Variants in TNRC18 observed in about 807,000 individuals in gnomAD.
The protein encoded by TNRC18 is trinucleotide repeat containing 18, also known as trinucleotide repeat-containing gene 18 protein.
TNRC18 carries 69 observed loss-of-function variants against 226.7 expected under a neutral mutation model. That is an observed-to-expected ratio of 0.30 (90% CI 0.25 to 0.37). The LOEUF (loss-of-function observed/expected upper bound fraction) is 0.37. Ranked by LOEUF, TNRC18 falls within the 10% of genes least tolerant of loss-of-function variation. The pLI is 1.00. For synonymous variants in TNRC18, 2,449 were observed against 1,927.6 expected (o/e 1.27, Z -7.09); for missense variants, 4,754 against 4,256.6 (o/e 1.12, Z -3.25).
At chr7:5,381,850 C>T (rs1309548033) in intron 5 of TNRC18, among the ~76,000 whole-genome samples, 2 of 152,052 alleles carry the variant, frequency 1.3e-5, no homozygotes, top group Non-Finnish European at 2.9e-5. Context: ...CCTGTAATCC[C>T]AGCAACTCAG....
chr7:5,373,867 G>A (rs757493060), intron 10 of TNRC18, among the ~76,000 whole-genome samples, 188 bp downstream of exon 10: 16 of 152,072 alleles, frequency 1.1e-4, no homozygotes, highest in Admixed American at 2.0e-4. Flanking sequence ...AGGAGGGGCC[G>A]GGGAGAGGCT....
Position 5,394,526 on chromosome 7 carries a change from A to C in TNRC18, c.257T>G (p.Val86Gly). Reference sequence around the variant, plus strand: ...GAAAGACAGGTCAGAGGGCAGTGGCACTGGGCTCCCATGGGACGAGGCCGA... The same window carrying C: ...GAAAGACAGGTCAGAGGGCAGTGGCCCTGGGCTCCCATGGGACGAGGCCGA... ...GPSASSHGSP[V>G]PLPSDLSFRS... The change falls in exon 3 of 30, where the codon GTG becomes GGG. Residue 86 changes from valine (V) to glycine (G), a missense_variant. Physicochemically the swap from Val to Gly is moderately radical, Grantham distance 109. Transcript: ENST00000430969. This position sits in a 1 kb window ranked among gnomAD's most constrained non-coding sequence, Gnocchi z 4.5. 6.4e-7 allele frequency: 1 copy of C among 1,555,160 alleles called. No individual in the cohort carries two copies. Among genetic ancestry groups the C allele is most frequent in the Non-Finnish European group, 8.7e-7 (1 of 1,151,632 alleles).
intron 11 of TNRC18, among the ~76,000 whole-genome samples, chr7:5,364,710 A>T (rs142529416): frequency 0.011 from 1,701 of 150,554 alleles, 26 homozygotes; most frequent in Non-Finnish European, 0.013. Context: ...AGGCTGAGGC[A>T]CCAGAATCGC....
intron 17 of TNRC18, among the ~76,000 whole-genome samples, chr7:5,347,498 C>A (rs570429689): frequency 3.3e-5 from 5 of 151,890 alleles, no homozygotes; most frequent in Admixed American, 2.0e-4. Flanking sequence ...ACCCAGCCCC[C>A]CCGCAAAAAT....
At chr7:5,335,031 G>A (rs1789944197) in intron 18 of TNRC18, among the ~76,000 whole-genome samples, 1 of 152,134 alleles carries the variant, frequency 6.6e-6, no homozygotes, top group Non-Finnish European at 1.5e-5. Context: ...GCCAGGCACA[G>A]TGGCTCACAA....
chr7:5,375,859 A>G (rs1459832722), intron 9 of TNRC18, among the ~76,000 whole-genome samples, 175 bp downstream of exon 9: 1 of 152,040 alleles, frequency 6.6e-6, no homozygotes, highest in East Asian at 1.9e-4. Context: ...TCTTCTACAG[A>G]TGGCTCCAGG....
chr7:5,309,116 C>A lies in TNRC18; in HGVS notation c.8625+16G>T, dbSNP rs373797992. The A allele has an allele frequency of 1.4e-4, 226 of 1,591,112 alleles. No homozygotes were observed. The highest frequency in any genetic ancestry group is 1.9e-4 in the Non-Finnish European group (218 of 1,169,718). On this transcript the variant is annotated intron_variant, in intron 28 of 29. Coordinates refer to ENST00000430969, the MANE Select transcript of TNRC18 (RefSeq NM_001080495.3). The surrounding 1 kb of genome is among the most constrained non-coding windows in gnomAD (Gnocchi z 5.7). Reference sequence around the variant, plus strand: ...ACCGCCTAGGACTGGGGGCCGCAGCCGGGCCGCAGGCTCACCTGGCCCTGG... The same window carrying A: ...ACCGCCTAGGACTGGGGGCCGCAGCAGGGCCGCAGGCTCACCTGGCCCTGG...
chr7:5,327,765 T>C (rs974347069), intron 19 of TNRC18, among the ~76,000 whole-genome samples: 3 of 151,376 alleles, frequency 2.0e-5, no homozygotes, highest in African/African-American at 7.3e-5. Flanking sequence ...ATAAAGTAAA[T>C]AAGAAAATAA....
In TNRC18 at chr7:5,313,818, G is replaced by C. The variant is rs191307109; in HGVS notation, c.7073C>G (p.Pro2358Arg). 9.9e-3 allele frequency: 14,986 copies of C among 1,512,940 alleles called. 94 individuals are homozygous for C. The highest frequency in any genetic ancestry group is 0.011 in the Non-Finnish European group (12,817 of 1,131,174). The allele number at this position is 1,512,940 out of a possible 1,614,324, so 93.7% of individuals were successfully genotyped here. A position where few individuals can be genotyped will look rare whatever the true frequency, so the allele number is the denominator to read the frequency against. ...LEEGNPTDEV[P>R]STPLALEPSS... ...CGGCTCCAGGGCTAAGGGGGTACTGGGGACCTCGTCTGTTGGGTTCCCCTC... is the reference window on the plus strand; with the variant it reads ...CGGCTCCAGGGCTAAGGGGGTACTGCGGACCTCGTCTGTTGGGTTCCCCTC... The change falls in exon 27 of 30, where the codon CCC becomes CGC. Residue 2358 changes from proline (P) to arginine (R), a missense_variant. Transcript: ENST00000430969.
Position 5,309,492 on chromosome 7 carries a change from G to A in TNRC18, c.8389-124C>T, listed in dbSNP as rs750697931. On this transcript the variant is annotated intron_variant, in intron 27 of 29. Transcript: ENST00000430969. The surrounding 1 kb of genome is among the most constrained non-coding windows in gnomAD (Gnocchi z 5.7). ...CTAAATCAACCCCTATCCAACTGTG[G>A]GGAGATGAGGAAGCTCCTTGTCTCG... 1.3e-6 allele frequency: 1 copy of A among 773,260 alleles called. No individual in the cohort carries two copies. The highest frequency in any genetic ancestry group is 2.1e-6 in the Non-Finnish European group (1 of 487,166). The allele number at this position is 773,260 out of a possible 1,614,324, so 47.9% of individuals were successfully genotyped here.
Position 5,312,782 on chromosome 7 carries a change from G to A in TNRC18, c.8109C>T (p.Ala2703=), listed in dbSNP as rs1466353957. Residue 2703 remains alanine (A), a synonymous_variant, in exon 27 of 30, where the codon GCC becomes GCT. Transcript: ENST00000430969. This position sits in a 1 kb window ranked among gnomAD's most constrained non-coding sequence, Gnocchi z 6.3. ...PSAQAALPTK[A]TKQAGKARPS... ...GCCGCGCCTTGCCGGCCTGCTTGGT[G>A]GCCTTGGTGGGGAGCGCCGCCTGCG... The A allele has an allele frequency of 6.5e-7, 1 of 1,532,870 alleles. No homozygotes were observed. The highest frequency in any genetic ancestry group is 1.3e-5 in the South Asian group (1 of 77,288). 95.0% of individuals were successfully genotyped at this position (1,532,870 alleles called of 1,614,324 possible).
In TNRC18 at chr7:5,313,433, A is replaced by T. The variant is rs1346125492; in HGVS notation, c.7458T>A (p.Asp2486Glu). ...KAKEALLLREDPGAGGWQEPK... is the reference protein window; with the variant it reads ...KAKEALLLREEPGAGGWQEPK... ...GCTCCTGCCAGCCCCCCGCCCCCGG[A>T]TCCTCCCGGAGCAGCAGGGCCTCTT... Residue 2486 changes from aspartate to glutamate, a missense_variant, in exon 27 of 30, where the codon GAT (aspartate) becomes GAA (glutamate). Asp to Glu is a conservative substitution (Grantham distance 45). Transcript: ENST00000430969. The T allele has an allele frequency of 3.7e-6, 6 of 1,609,998 alleles. No individual in the cohort carries two copies. Among genetic ancestry groups the T allele is most frequent in the Non-Finnish European group, 5.1e-6 (6 of 1,178,616 alleles).
At chr7:5,413,462 ACCT>A (rs994157552) in intron 2 of TNRC18, among the ~76,000 whole-genome samples, 9 of 151,578 alleles carry the variant, frequency 5.9e-5, no homozygotes, top group African/African-American at 2.2e-4. Flanking sequence ...GGTAACCAAC[ACCT>A]CCTAATTACC....
chr7:5,401,492 A>C (rs1442476587), intron 2 of TNRC18, among the ~76,000 whole-genome samples: 1 of 152,062 alleles, frequency 6.6e-6, no homozygotes, highest in Admixed American at 6.6e-5. Context: ...TTACCCTGCC[A>C]CGCCCTTTCC....
At chr7:5,359,281 C>G in intron 15 of TNRC18, 117 bp downstream of exon 15, 1 of 1,067,398 alleles carries the variant, frequency 9.4e-7, no homozygotes, top group Non-Finnish European at 1.4e-6. Flanking sequence ...TGAAGACAAC[C>G]ACTTCTAAGG....
At chr7:5,403,753 G>T (rs1229147821) in intron 2 of TNRC18, among the ~76,000 whole-genome samples, 2 of 151,344 alleles carry the variant, frequency 1.3e-5, no homozygotes, top group Non-Finnish European at 2.9e-5. Context: ...TTGCACCACT[G>T]CACACCAGCC....
chr7:5,335,336 A>G (rs1163247972), intron 18 of TNRC18, among the ~76,000 whole-genome samples: 1 of 146,106 alleles, frequency 6.8e-6, no homozygotes, highest in Admixed American at 6.9e-5. Context: ...TTGGCCAGGC[A>G]CAGTGGCTCA....
chr7:5,404,914 G>A (rs1196467706), intron 2 of TNRC18, among the ~76,000 whole-genome samples: 5 of 151,808 alleles, frequency 3.3e-5, no homozygotes, highest in East Asian at 1.9e-4. Context: ...AGGAGTTCAC[G>A]ACCAGCCTGG....
chr7:5,309,555 T>C lies in TNRC18; in HGVS notation c.8389-187A>G, dbSNP rs544806154. 1.8e-3 allele frequency among the ~76,000 whole-genome samples: 274 copies of C among 152,372 alleles called. No individual in the cohort carries two copies. Among genetic ancestry groups the C allele is most frequent in the Middle Eastern group, 3.4e-3 (1 of 294 alleles). On this transcript the variant is annotated intron_variant, in intron 27 of 29. Transcript: ENST00000430969. This position sits in a 1 kb window ranked among gnomAD's most constrained non-coding sequence, Gnocchi z 5.7. Reference sequence around the variant, plus strand: ...AAGCCCCTCTTCCATCTCTTTGACATGCTGGGTCTCCAAGAGGCGCTTCCC... The same window carrying C: ...AAGCCCCTCTTCCATCTCTTTGACACGCTGGGTCTCCAAGAGGCGCTTCCC...
Sources: allele counts gnomAD v4.1 joint callset (sites outside exome capture counted in the v4.1 genomes callset), GRCh38; gene constraint gnomAD v4.1.1; non-coding constraint Gnocchi (gnomAD v3.1); transcripts MANE v1.5; gene names NCBI Gene and HGNC (gene_info 2026-07-23, HGNC 2026-07-21).